Variants in ENTREP3 observed in about 807,000 individuals in gnomAD.
ENTREP3 encodes protein ENTREP3.
chr1:155,251,685 C>T, the ENTREP3 span: 1 of 1,609,066 alleles, frequency 6.2e-7, no homozygotes, highest in Non-Finnish European at 8.5e-7. Context: ...CAGGCCCAGC[C>T]CCAGTCCCCT....
the ENTREP3 span, chr1:155,248,396 A>T: frequency 6.2e-7 from 1 of 1,614,032 alleles, no homozygotes; most frequent in Admixed American, 1.7e-5. Flanking sequence ...CGCAAACCAC[A>T]TGCCTGACCT....
At chr1:155,251,903 C>T in the ENTREP3 span, 1 of 1,430,716 alleles carries the variant, frequency 7.0e-7, no homozygotes, top group Non-Finnish European at 9.1e-7. Context: ...GCTCAGGGGC[C>T]AGCTGCTGGG....
chr1:155,251,199 C>A, the ENTREP3 span: 1 of 1,495,052 alleles, frequency 6.7e-7, no homozygotes, highest in African/African-American at 1.4e-5. Context: ...TTCAGCCCTA[C>A]ACACTGAACA....
the ENTREP3 span, chr1:155,251,844 G>A: frequency 1.3e-6 from 2 of 1,538,608 alleles, no homozygotes; most frequent in Admixed American, 4.6e-5. Context: ...GAGAGGGGCT[G>A]GGGGCGGGGA....
chr1:155,252,261 G>A, the ENTREP3 span, among the ~76,000 whole-genome samples: 7 of 150,936 alleles, frequency 4.6e-5, no homozygotes, highest in East Asian at 1.9e-4. Flanking sequence ...GCAGTGGCGC[G>A]ATCTCAGCTC....
chr1:155,250,728 T>G, the ENTREP3 span: 1 of 1,612,894 alleles, frequency 6.2e-7, no homozygotes. This position sits in a 1 kb window ranked among gnomAD's most constrained non-coding sequence, Gnocchi z 5.4. Flanking sequence ...CACGGAGCCC[T>G]GCAGCTCCAG....
At chr1:155,252,719 T>C in the ENTREP3 span, 1 of 56,482 alleles carries the variant, frequency 1.8e-5, no homozygotes, top group African/African-American at 8.8e-5. Context: ...TATATATATA[T>C]ATATTTTTTT....
chr1:155,251,957 C>G, the ENTREP3 span: 10 of 1,288,138 alleles, frequency 7.8e-6, no homozygotes, highest in Non-Finnish European at 1.0e-5. Flanking sequence ...AATACAGCTC[C>G]TCCTGGGCCC....
chr1:155,254,251 A>G, the ENTREP3 span: 1 of 1,489,752 alleles, frequency 6.7e-7, no homozygotes, highest in Non-Finnish European at 9.4e-7. This position sits in a 1 kb window ranked among gnomAD's most constrained non-coding sequence, Gnocchi z 4.4. Context: ...CTCCTCTGCC[A>G]CGGACAGAGT....
chr1:155,254,888 CG>C, the ENTREP3 span: 1 of 1,547,820 alleles, frequency 6.5e-7, no homozygotes, highest in African/African-American at 1.4e-5. The surrounding 1 kb of genome is among the most constrained non-coding windows in gnomAD (Gnocchi z 4.4). Context: ...GCCTGCTGCC[CG>C]GTTGCCTGCG....
At chr1:155,248,703 C>G in the ENTREP3 span, among the ~76,000 whole-genome samples, 1 of 150,778 alleles carries the variant, frequency 6.6e-6, no homozygotes, top group Non-Finnish European at 1.5e-5. Flanking sequence ...GCTGAGCGTT[C>G]CCCAGTACTA....
chr1:155,247,669 G>T, the ENTREP3 span: 2 of 991,136 alleles, frequency 2.0e-6, no homozygotes, highest in Non-Finnish European at 3.0e-6. Flanking sequence ...ACTTTGGGGG[G>T]TATACAGCAG....
the ENTREP3 span, chr1:155,248,241 C>CG: frequency 6.2e-7 from 1 of 1,604,176 alleles, no homozygotes; most frequent in Non-Finnish European, 8.5e-7. Flanking sequence ...GCTGACCGGG[C>CG]ACGTAGCAAC....
At chr1:155,254,262 C>T in the ENTREP3 span, 4 of 1,475,758 alleles carry the variant, frequency 2.7e-6, no homozygotes, top group Non-Finnish European at 3.8e-6. The surrounding 1 kb of genome is among the most constrained non-coding windows in gnomAD (Gnocchi z 4.4). Flanking sequence ...CGGACAGAGT[C>T]CCCCTCCTTC....
At chr1:155,248,200 T>C in the ENTREP3 span, 1 of 1,609,850 alleles carries the variant, frequency 6.2e-7, no homozygotes, top group South Asian at 1.1e-5. Context: ...GGGGAACTTT[T>C]TGGAAGGTGG....
the ENTREP3 span, chr1:155,252,110 C>A: frequency 2.2e-6 from 1 of 456,908 alleles, no homozygotes; most frequent in East Asian, 3.5e-5. Context: ...TGCCCACCCA[C>A]AAATTCCTCT....
At chr1:155,251,769 G>T in the ENTREP3 span, 925 of 1,609,436 alleles carry the variant, frequency 5.7e-4, no homozygotes, top group Non-Finnish European at 7.1e-4. Context: ...GGTATACTCT[G>T]GGGGATAGTA....
At chr1:155,247,507 G>A in the ENTREP3 span, 1 of 683,596 alleles carries the variant, frequency 1.5e-6, no homozygotes, top group Non-Finnish European at 2.7e-6. Context: ...TCATTCTGAG[G>A]GGGACAAGAA....
chr1:155,255,244 G>T, the ENTREP3 span: 1 of 351,476 alleles, frequency 2.8e-6, no homozygotes, highest in Non-Finnish European at 5.4e-6. This position sits in a 1 kb window ranked among gnomAD's most constrained non-coding sequence, Gnocchi z 5.6. Context: ...GGGGTGGGGA[G>T]GGTAAAAGCG....
Sources: gnomAD v4.1 joint callset for allele counts (sites outside exome capture counted in the v4.1 genomes callset) on GRCh38, gnomAD v4.1.1 for gene constraint, Gnocchi (gnomAD v3.1) non-coding constraint, MANE v1.5 for transcripts, NCBI Gene and HGNC (gene_info 2026-07-23, HGNC 2026-07-21) for gene names.